The following FRMD4A variants were observed in gnomAD, a reference collection of about 807,000 sequenced individuals.
FRMD4A encodes FERM domain containing 4A, also known as FERM domain-containing protein 4A.
A neutral mutation model predicts 129.1 loss-of-function variants in FRMD4A; 29 were observed. That is an observed-to-expected ratio of 0.22 (90% CI 0.17 to 0.31). The LOEUF is 0.31. FRMD4A is among the 10% of genes least tolerant of loss of function. The pLI, the probability that FRMD4A is intolerant of heterozygous loss-of-function variation, is 1.00. For missense variants in FRMD4A, 1,272 were observed against 1,375.8 expected (o/e 0.92, Z 1.19); for synonymous variants, 634 against 571.6 (o/e 1.11, Z -1.56).
At chr10:14,329,691 G>C (rs895406818) in intron 2 of FRMD4A, among the ~76,000 whole-genome samples, 1 of 152,122 alleles carries the variant, frequency 6.6e-6, no homozygotes, top group Admixed American at 6.5e-5. Flanking sequence ...GCCCTGAGAA[G>C]ATATCCAAAA....
intron 2 of FRMD4A, among the ~76,000 whole-genome samples, chr10:14,034,641 T>C (rs1833412578): frequency 6.6e-6 from 1 of 152,232 alleles, no homozygotes; most frequent in Non-Finnish European, 1.5e-5. Flanking sequence ...ACCTGCACTT[T>C]ACAACCCTAA....
chr10:14,041,546 G>T (rs115450762), intron 2 of FRMD4A, among the ~76,000 whole-genome samples: 214 of 152,252 alleles, frequency 1.4e-3, no homozygotes, highest in African/African-American at 4.8e-3. Context: ...TAAGTTCTGC[G>T]TCTAGGCGTA....
At chr10:13,784,248 T>G (rs748335985) in intron 5 of FRMD4A, among the ~76,000 whole-genome samples, 3 of 152,182 alleles carry the variant, frequency 2.0e-5, no homozygotes, top group Admixed American at 1.3e-4. Context: ...CAGAGAGCAG[T>G]GATGGAGTCC....
chr10:14,304,879 G>A (rs767396565), intron 2 of FRMD4A, among the ~76,000 whole-genome samples: 1 of 152,222 alleles, frequency 6.6e-6, no homozygotes, highest in Non-Finnish European at 1.5e-5. Flanking sequence ...CTTGAGCTGG[G>A]ATAACTCTGA....
intron 2 of FRMD4A, among the ~76,000 whole-genome samples, chr10:14,246,236 G>A (rs1844231687): frequency 2.0e-5 from 3 of 152,186 alleles, no homozygotes; most frequent in South Asian, 4.1e-4. Flanking sequence ...GAGGGTTACA[G>A]AGAGATGGGG....
intron 2 of FRMD4A, among the ~76,000 whole-genome samples, chr10:14,045,140 T>C (rs2131679047): frequency 6.6e-6 from 1 of 152,310 alleles, no homozygotes; most frequent in South Asian, 2.1e-4. Context: ...TGGACTCGAA[T>C]GATCCTCCTA....
At position 13,732,779 on chromosome 10, in the gene FRMD4A, G is replaced by C. The variant is rs139063689; in HGVS notation, c.759+5065C>G. On this transcript the variant is annotated intron_variant, in intron 12 of 24. Transcript: ENST00000357447. The stretch of plus-strand genomic sequence containing the variant: ...CCACCCCTCCCAGATGGCTCACCCA[G>C]CCATGAGGCCCATGCATGGGACCTC... 2.2e-3 allele frequency among the ~76,000 whole-genome samples: 332 copies of C among 152,326 alleles called. 1 individual carries two copies. Among genetic ancestry groups the C allele is most frequent in the South Asian group, 3.5e-3 (17 of 4,834 alleles).
chr10:14,263,319 C>G (rs983837118), intron 2 of FRMD4A, among the ~76,000 whole-genome samples: 1 of 152,162 alleles, frequency 6.6e-6, no homozygotes, highest in African/African-American at 2.4e-5. Context: ...TTGACTTCAG[C>G]CAGCGCAGGA....
At chr10:14,027,990 G>C (rs1372877154) in intron 2 of FRMD4A, among the ~76,000 whole-genome samples, 2 of 152,204 alleles carry the variant, frequency 1.3e-5, no homozygotes, top group East Asian at 3.8e-4. Context: ...CCAGTGTTAA[G>C]ACAGAAAAAC....
intron 19 of FRMD4A, 31 bp from the exon 20 acceptor site, chr10:13,660,584 C>T (rs201790963): frequency 3.0e-6 from 4 of 1,352,544 alleles, no homozygotes; most frequent in Non-Finnish European, 3.1e-6. Context: ...AGGAACTGAG[C>T]CCCGGTCATC....
chr10:13,881,121 T>C (rs1197784882), intron 2 of FRMD4A, among the ~76,000 whole-genome samples: 1 of 151,826 alleles, frequency 6.6e-6, no homozygotes, highest in Non-Finnish European at 1.5e-5. Context: ...GCATTTTTTA[T>C]ACGAAAAAAA....
At chr10:14,100,647 A>G (rs1041974380) in intron 2 of FRMD4A, among the ~76,000 whole-genome samples, 6 of 152,110 alleles carry the variant, frequency 3.9e-5, no homozygotes, top group Admixed American at 6.6e-5. Flanking sequence ...AGAAAAGCCA[A>G]TCTGTTCAAG....
chr10:14,102,528 G>C (rs544830804), intron 2 of FRMD4A, among the ~76,000 whole-genome samples: 160 of 152,304 alleles, frequency 1.1e-3, no homozygotes, highest in African/African-American at 3.5e-3. Context: ...ATGTCAGGGT[G>C]CTCTGGACAC....
intron 2 of FRMD4A, among the ~76,000 whole-genome samples, chr10:13,927,357 T>C (rs2095145372): frequency 6.6e-6 from 1 of 152,232 alleles, no homozygotes. Context: ...TCTACTATAA[T>C]AGAAATGTTT....
intron 2 of FRMD4A, among the ~76,000 whole-genome samples, chr10:14,126,001 G>T (rs1838819295): frequency 6.6e-6 from 1 of 152,002 alleles, no homozygotes; most frequent in Admixed American, 6.6e-5. Flanking sequence ...GTGTATGAAA[G>T]ACTTGCCTGG....
At chr10:14,182,980 G>A (rs1435068826) in intron 2 of FRMD4A, among the ~76,000 whole-genome samples, 2 of 152,298 alleles carry the variant, frequency 1.3e-5, no homozygotes, top group East Asian at 1.9e-4. Flanking sequence ...AGGTTAGGAT[G>A]TTGGTGCGTG....
At chr10:14,030,197 G>A (rs956488081) in intron 2 of FRMD4A, among the ~76,000 whole-genome samples, 1 of 152,204 alleles carries the variant, frequency 6.6e-6, no homozygotes, top group Non-Finnish European at 1.5e-5. Flanking sequence ...ATGTGACTGA[G>A]TTAACAATGC....
Position 13,821,894 on chromosome 10 carries a change from G to C in FRMD4A, c.112-10986C>G, listed in dbSNP as rs7916095. On this transcript the variant is annotated intron_variant, in intron 3 of 24. Transcript: ENST00000357447. This position sits in a 1 kb window ranked among gnomAD's most constrained non-coding sequence, Gnocchi z 4.3. ...GCACCTTGGTTACCAGCATAGGTGA[G>C]GTGGCCCCGAAGTGCCCGCCACACC... Among the ~76,000 whole-genome samples the C allele has an allele frequency of 0.14, 21,960 of 152,092 alleles. 1,855 individuals are homozygous for C. Among genetic ancestry groups the C allele is most frequent in the East Asian group, 0.32 (1,673 of 5,168 alleles).
At position 14,014,067 on chromosome 10, in the gene FRMD4A, G is replaced by A. The variant is rs12358319; in HGVS notation, c.46-155155C>T. ...GGGTGAAGACAGCGCAGTGAGTATC[G>A]GGGAGGTGGGTGGGGATGCAGGGGA... On this transcript the variant is annotated intron_variant, in intron 2 of 24. Transcript: ENST00000357447. Among the ~76,000 whole-genome samples the A allele has an allele frequency of 9.9e-3, 1,505 of 152,270 alleles. 17 individuals carry two copies. The highest frequency in any genetic ancestry group is 0.014 in the Middle Eastern group (4 of 294).
Sources: gnomAD v4.1 joint callset for allele counts (sites outside exome capture counted in the v4.1 genomes callset) on GRCh38, gnomAD v4.1.1 for gene constraint, Gnocchi (gnomAD v3.1) non-coding constraint, MANE v1.5 for transcripts, NCBI Gene and HGNC (gene_info 2026-07-23, HGNC 2026-07-21) for gene names.